PITPNM3: variants seen among roughly 807,000 people sequenced by gnomAD.
PITPNM3 encodes the protein membrane-associated phosphatidylinositol transfer protein 3.
PITPNM3 carries 26 observed loss-of-function variants against 102.0 expected under a neutral mutation model. The observed-to-expected ratio is 0.25, with a 90% confidence interval of 0.19 to 0.35. The LOEUF is 0.35. Among genes scored for constraint, PITPNM3 ranks in the 10% least tolerant of loss-of-function variants. The pLI, the probability that PITPNM3 is intolerant of heterozygous loss-of-function variation, is 1.00. For synonymous variants in PITPNM3, 578 were observed against 558.6 expected, an observed-to-expected ratio of 1.03 and a Z score of -0.49; for missense variants, 1,083 against 1,346.1, an observed-to-expected ratio of 0.80 and a Z score of 3.06.
chr17:6,507,419 A>G (rs952253152), intron 3 of PITPNM3, among the ~76,000 whole-genome samples: 2 of 142,358 alleles, frequency 1.4e-5, no homozygotes, highest in Non-Finnish European at 3.2e-5. Context: ...CCCCGTCTCT[A>G]CTAAAAATAC....
chr17:6,531,570 T>C (rs1909149047), intron 2 of PITPNM3, among the ~76,000 whole-genome samples: 1 of 152,256 alleles, frequency 6.6e-6, no homozygotes, highest in Admixed American at 6.5e-5. Context: ...TGAGGATCCA[T>C]CCTGCACTAC....
rs1226817525 is a variant in PITPNM3 at position 6,517,562 on chromosome 17, TA to T, written c.226+7793del. On this transcript the variant is annotated intron_variant, in intron 3 of 19. Transcript: ENST00000262483. This position sits in a 1 kb window ranked among gnomAD's most constrained non-coding sequence, Gnocchi z 4.1. ...GGTAGAAAATGCCAGTTTTTATTTT[TA>T]ATTTTTTTTTTTTTGAGACAGGGGC... is the stretch of plus-strand genomic sequence containing the variant. 6.6e-6 allele frequency among the ~76,000 whole-genome samples: 1 copy of T among 150,608 alleles called. No homozygotes were observed. The highest frequency in any genetic ancestry group is 2.5e-5 in the African/African-American group (1 of 39,974).
rs755403167 is a variant in PITPNM3 at position 6,477,073 on chromosome 17, G to A, written c.1041C>T (p.Thr347=). Residue 347 remains threonine (T), a synonymous_variant, in exon 9 of 20, where the codon ACC becomes ACT. Transcript: ENST00000262483. ...GCTGGGTGATGGCCTCGCAGTCATAGGTGGAGGAGTCGCTCTGTTTCCGCG... is the reference window on the plus strand; with the variant it reads ...GCTGGGTGATGGCCTCGCAGTCATAAGTGGAGGAGTCGCTCTGTTTCCGCG... ...PLPRKQSDSS[T]YDCEAITQHH... is the part of the protein sequence containing the mutation. 9 of 1,614,058 alleles carry A rather than the reference G, an allele frequency of 5.6e-6. No individual in the cohort carries two copies. The highest frequency in any genetic ancestry group is 1.1e-5 in the South Asian group (1 of 91,072).
In PITPNM3 at chr17:6,457,632, C is replaced by T. The variant is rs1407599263; in HGVS notation, c.2581G>A (p.Val861Met). 1 of 1,613,068 alleles carries T rather than the reference C, an allele frequency of 6.2e-7. No homozygotes were observed. Among genetic ancestry groups the T allele is most frequent in the Non-Finnish European group, 8.5e-7 (1 of 1,179,752 alleles). The change falls in exon 19 of 20, where the codon GTG (valine) becomes ATG (methionine). Residue 861 changes from valine (V) to methionine (M), a missense_variant. By Grantham distance (21) the Val-to-Met change is conservative. Coordinates refer to ENST00000262483, the MANE Select transcript of PITPNM3 (RefSeq NM_031220.4). The surrounding 1 kb of genome is among the most constrained non-coding windows in gnomAD (Gnocchi z 4.7). ...TGGTACTTCTTGGTGGGCCGGCCCACAATGAAGATCTGGGAGGCAGGCAGG... is the reference window on the plus strand; with the variant it reads ...TGGTACTTCTTGGTGGGCCGGCCCATAATGAAGATCTGGGAGGCAGGCAGG... The part of the protein sequence containing the change: ...LGLPASQIFI[V>M]GRPTKKYQTQ...
intron 4 of PITPNM3, among the ~76,000 whole-genome samples, chr17:6,490,873 A>G (rs1478756979): frequency 2.0e-5 from 3 of 148,184 alleles, no homozygotes; most frequent in Non-Finnish European, 4.5e-5. Context: ...GAGGCAGGAG[A>G]ATCACTTAAA....
intron 1 of PITPNM3, among the ~76,000 whole-genome samples, chr17:6,550,451 G>A (rs1470922832): frequency 6.6e-6 from 1 of 152,154 alleles, no homozygotes; most frequent in African/African-American, 2.4e-5. Flanking sequence ...CAGAATTCCT[G>A]GAAGGCAGCT....
chr17:6,515,287 A>G (rs1908093919), intron 3 of PITPNM3, among the ~76,000 whole-genome samples: 1 of 151,280 alleles, frequency 6.6e-6, no homozygotes, highest in African/African-American at 2.4e-5. Context: ...AATCCCAGCT[A>G]CTTGGGAGGC....
rs746511554 is a variant in PITPNM3, at chr17:6,477,997, T to C, written c.878A>G (p.Lys293Arg). 2.5e-6 allele frequency: 4 copies of C among 1,613,368 alleles called. No homozygotes were observed. Among genetic ancestry groups the C allele is most frequent in the Non-Finnish European group, 3.4e-6 (4 of 1,180,028 alleles). ...TACCTGGGTGCTGCTGATGCTCCCC[T>C]TCCGGCTGCTGCTGGCAGGGCTGTC... ...SGDSPASSSR[K>R]GSISSTQDTP... Residue 293 changes from lysine to arginine, a missense_variant, in exon 8 of 20, where the codon AAG becomes AGG. Physicochemically the swap from Lys to Arg is conservative, Grantham distance 26 (BLOSUM62 2). Transcript: ENST00000262483.
At chr17:6,525,831 T>C (rs1908801737) in intron 2 of PITPNM3, among the ~76,000 whole-genome samples, 1 of 152,234 alleles carries the variant, frequency 6.6e-6, no homozygotes, top group Non-Finnish European at 1.5e-5. Flanking sequence ...AATTACTGAC[T>C]TCTCTGACCC....
Position 6,463,033 on chromosome 17 carries a change from T to C in PITPNM3, c.2306+699A>G, listed in dbSNP as rs1362352603. Reference sequence around the variant, plus strand: ...TTTGTTGTAATGGCAACAAATGACCTAGCTCTACAAGGGGGAGGCTGGCCC... The same window carrying C: ...TTTGTTGTAATGGCAACAAATGACCCAGCTCTACAAGGGGGAGGCTGGCCC... On this transcript the variant is annotated intron_variant, in intron 17 of 19. Transcript: ENST00000262483. Among the ~76,000 whole-genome samples the C allele has an allele frequency of 2.0e-5, 3 of 152,034 alleles. No homozygotes were observed. In the East Asian group the frequency reaches 5.8e-4, roughly 30 times the overall value.
At chr17:6,486,580 CAG>C (rs1906109479) in intron 4 of PITPNM3, among the ~76,000 whole-genome samples, 1 of 152,238 alleles carries the variant, frequency 6.6e-6, no homozygotes, top group Non-Finnish European at 1.5e-5. Flanking sequence ...ACTGCCCACA[CAG>C]ACAGGAAATC....
At chr17:6,544,448 C>T (rs1909902650) in intron 1 of PITPNM3, among the ~76,000 whole-genome samples, 1 of 152,156 alleles carries the variant, frequency 6.6e-6, no homozygotes, top group Non-Finnish European at 1.5e-5. Flanking sequence ...GGGAGGATCA[C>T]TTGAGCCCAG....
Position 6,477,118 on chromosome 17 carries a change from C to G in PITPNM3, c.996G>C (p.Glu332Asp). 1 of 1,614,228 alleles carries G rather than the reference C, an allele frequency of 6.2e-7. No homozygotes were observed. Among genetic ancestry groups the G allele is most frequent in the South Asian group, 1.1e-5 (1 of 91,082 alleles). Residue 332 changes from glutamate to aspartate, a missense_variant, in exon 9 of 20, where the codon GAG (glutamate) becomes GAC (aspartate). Glu to Asp is a conservative substitution (Grantham distance 45, BLOSUM62 2). This residue lies in a region of PITPNM3 where 172 missense variants were observed against 175.6 expected (regional missense o/e 0.98). Coordinates refer to ENST00000262483, the MANE Select transcript of PITPNM3 (RefSeq NM_031220.4). ...NIDISSGLEDEEPKRPLPRKQ... is the reference protein window; with the variant it reads ...NIDISSGLEDDEPKRPLPRKQ... ...TCCGCGGCAACGGCCTCTTGGGCTC[C>G]TCATCCTCCAACCCACTGGAGATGT... is the stretch of plus-strand genomic sequence containing the variant.
chr17:6,473,976 C>CAA (rs56728914), intron 10 of PITPNM3, among the ~76,000 whole-genome samples: 3 of 96,074 alleles, frequency 3.1e-5, no homozygotes, highest in African/African-American at 8.9e-5. Flanking sequence ...GACTCCATCT[C>CAA]AAAAAAAAAA....
intron 1 of PITPNM3, 47 bp from the exon 2 acceptor site, chr17:6,538,129 A>G: frequency 7.0e-7 from 1 of 1,438,154 alleles, no homozygotes. Context: ...ATGTTGTCCC[A>G]GTATGAGGGA....
At position 6,464,213 on chromosome 17, in the gene PITPNM3, G is replaced by A. The variant is rs753226463; in HGVS notation, c.2113C>T (p.Arg705Trp). 36 of 1,614,032 alleles carry A rather than the reference G, an allele frequency of 2.2e-5. No individual in the cohort carries two copies. The highest frequency in any genetic ancestry group is 5.5e-5 in the South Asian group (5 of 91,080). ...GGATAGACACCAACCCCCAGGCGCC[G>A]GGGCCGCGGCACATTGTATGTGATG... ...GRITYNVPRP[R>W]RLGVGVYPVK... Residue 705 changes from arginine to tryptophan, a missense_variant, in exon 16 of 20, where the codon CGG becomes TGG. Coordinates refer to ENST00000262483, the MANE Select transcript of PITPNM3 (RefSeq NM_031220.4).
intron 3 of PITPNM3, among the ~76,000 whole-genome samples, chr17:6,514,434 T>C (rs895041096): frequency 2.0e-5 from 3 of 152,128 alleles, no homozygotes; most frequent in Non-Finnish European, 4.4e-5. Flanking sequence ...AAATTTTAAA[T>C]GGGCAAAGGA....
At chr17:6,515,415 AAG>A (rs1471522982) in intron 3 of PITPNM3, among the ~76,000 whole-genome samples, 6 of 150,482 alleles carry the variant, frequency 4.0e-5, no homozygotes, top group African/African-American at 1.5e-4. Flanking sequence ...AAAAAAAAAA[AAG>A]AAAGAAAGAA....
intron 4 of PITPNM3, among the ~76,000 whole-genome samples, chr17:6,490,471 A>G (rs1906389723): frequency 1.3e-5 from 2 of 152,156 alleles, no homozygotes; most frequent in African/African-American, 2.4e-5. Flanking sequence ...AGGACCTTGA[A>G]GGGGACCCAG....
Sources: gnomAD v4.1 joint callset for allele counts (sites outside exome capture counted in the v4.1 genomes callset) on GRCh38, gnomAD v4.1.1 for gene constraint, gnomAD v4.1.1 regional missense constraint, Gnocchi (gnomAD v3.1) non-coding constraint, MANE v1.5 for transcripts, NCBI Gene and HGNC (gene_info 2026-07-23, HGNC 2026-07-21) for gene names.